CATSPERB: variants seen among roughly 807,000 people sequenced by gnomAD.
The protein encoded by CATSPERB is cation channel sperm-associated auxiliary subunit beta.
Under a neutral mutation model 128.3 loss-of-function variants are expected in CATSPERB, and 93 were observed. The observed-to-expected ratio is 0.72, with a 90% CI of 0.61 to 0.86. The LOEUF (loss-of-function observed/expected upper bound fraction) is 0.86, where lower values mean the gene tolerates loss of function less well. CATSPERB is among the 40% of genes least tolerant of loss of function. CATSPERB has a pLI of 0.00. For synonymous variants in CATSPERB, 381 were observed against 448.8 expected, an observed-to-expected ratio of 0.85 and a Z score of 1.91; for missense variants, 1,153 against 1,329.5, an observed-to-expected ratio of 0.87 and a Z score of 2.06.
chr14:91,654,631 T>C (rs997426070), intron 15 of CATSPERB, among the ~76,000 whole-genome samples: 2 of 152,184 alleles, frequency 1.3e-5, no homozygotes, highest in Non-Finnish European at 2.9e-5. Context: ...TCAACTTCCT[T>C]GGCTTCCAGA....
chr14:91,659,308 T>C (rs1894836461), intron 15 of CATSPERB, among the ~76,000 whole-genome samples: 1 of 152,214 alleles, frequency 6.6e-6, no homozygotes, highest in African/African-American at 2.4e-5. Flanking sequence ...ATTTGTTAGT[T>C]AAGAAATAAA....
At chr14:91,719,148 A>G (rs1213411379) in intron 5 of CATSPERB, among the ~76,000 whole-genome samples, 1 of 152,212 alleles carries the variant, frequency 6.6e-6, no homozygotes, top group Non-Finnish European at 1.5e-5. Flanking sequence ...AAGTTCTAAG[A>G]AATGAATTTA....
At chr14:91,596,482 C>T (rs540633836) in intron 22 of CATSPERB, among the ~76,000 whole-genome samples, 2 of 152,184 alleles carry the variant, frequency 1.3e-5, no homozygotes, top group East Asian at 1.9e-4. Flanking sequence ...GGATTACAGG[C>T]GTGAACCACC....
chr14:91,723,511 A>G (rs148591031), intron 3 of CATSPERB, among the ~76,000 whole-genome samples: 106 of 152,318 alleles, frequency 7.0e-4, no homozygotes, highest in Non-Finnish European at 1.1e-3. Context: ...GGAAGCAACT[A>G]TATAAAGCAA....
intron 8 of CATSPERB, 68 bp from the exon 9 acceptor site, chr14:91,693,312 C>T: frequency 1.9e-6 from 3 of 1,541,804 alleles, no homozygotes; most frequent in Non-Finnish European, 2.7e-6. Context: ...GAAGCAAAGA[C>T]ATTTTATAGA....
chr14:91,690,630 A>C (rs1036409635), intron 10 of CATSPERB, among the ~76,000 whole-genome samples: 2 of 152,232 alleles, frequency 1.3e-5, no homozygotes, highest in Non-Finnish European at 2.9e-5. Context: ...ATTTTTGCCC[A>C]TCTGGCTCTC....
rs540304119 is a variant in CATSPERB, at chr14:91,693,278, T to G, written c.713-34A>C. 2.9e-5 allele frequency: 46 copies of G among 1,574,920 alleles called. No homozygotes were observed. In the East Asian group the frequency reaches 9.2e-4, roughly 31 times the overall value. ...AGAAATCATACCATGGATTAAAAAG[T>G]AAGAAAAAAGTGAGTTCCTTACTGA... On this transcript the variant is annotated intron_variant, in intron 8 of 26. Transcript: ENST00000256343.
intron 17 of CATSPERB, chr14:91,635,698 T>C (rs75475571): frequency 6.6e-6 from 1 of 152,094 alleles, no homozygotes; most frequent in African/African-American, 2.4e-5. Context: ...GCCTTAAAGG[T>C]AGCTTTAAGG....
Position 91,591,898 on chromosome 14 carries a change from C to T in CATSPERB, c.2814G>A (p.Arg938=). ...FSHAVAFSDC[R]EKVPRFKFPI... ...TAATTAGAAATGATCTTACTTTTTCCCTGCAATCCGAGAAAGCAACAGCAT... is the reference window on the plus strand; with the variant it reads ...TAATTAGAAATGATCTTACTTTTTCTCTGCAATCCGAGAAAGCAACAGCAT... The change falls in exon 23 of 27, where the codon AGG becomes AGA. Residue 938 remains arginine, a synonymous_variant. Transcript: ENST00000256343. 1 of 1,608,242 alleles carries T rather than the reference C, an allele frequency of 6.2e-7. No individual in the cohort carries two copies. The highest frequency in any genetic ancestry group is 1.1e-5 in the South Asian group (1 of 90,854).
In CATSPERB at chr14:91,627,629, G is replaced by A. The variant is rs556715857; in HGVS notation, c.1743-2622C>T. ...ATGGAGGGAACTAATGGAAGATAAG[G>A]GTTGTTTTGAGAAGGTTTCTTCTGT... On this transcript the variant is annotated intron_variant, in intron 17 of 26. Transcript: ENST00000256343. Among the ~76,000 whole-genome samples, 10 of 152,260 alleles carry A rather than the reference G, an allele frequency of 6.6e-5. 1 individual carries two copies. In the South Asian group the frequency reaches 2.1e-3, roughly 32 times the overall value.
rs533883478 is a variant in CATSPERB, at chr14:91,625,190, A to G, written c.1743-183T>C. The stretch of plus-strand genomic sequence containing the variant: ...TTATAACAATGGGATACAATTTTTA[A>G]CCTCTAAAATTAGCGAAGATCTTTA... On this transcript the variant is annotated intron_variant, in intron 17 of 26. Transcript: ENST00000256343. 4.6e-5 allele frequency among the ~76,000 whole-genome samples: 7 copies of G among 152,338 alleles called. No individual in the cohort carries two copies. In the East Asian group the frequency reaches 1.3e-3, roughly 29 times the overall value.
intron 22 of CATSPERB, chr14:91,605,098 G>T: frequency 1.6e-6 from 2 of 1,251,862 alleles, no homozygotes; most frequent in South Asian, 1.2e-5. Flanking sequence ...TGGGTTGTTT[G>T]CCTTTGGGAG....
chr14:91,724,394 T>C (rs1025153669), intron 3 of CATSPERB, among the ~76,000 whole-genome samples: 3 of 152,098 alleles, frequency 2.0e-5, no homozygotes, highest in African/African-American at 7.2e-5. Context: ...CACTTCTCAA[T>C]AGTTGTATAT....
intron 18 of CATSPERB, among the ~76,000 whole-genome samples, chr14:91,622,915 A>G (rs983263095): frequency 1.1e-5 from 1 of 93,732 alleles, no homozygotes; most frequent in African/African-American, 4.2e-5. Flanking sequence ...TTTTTTTGAT[A>G]TGGAGTTTCG....
chr14:91,615,987 C>T (rs1217022578), intron 20 of CATSPERB, among the ~76,000 whole-genome samples: 1 of 150,932 alleles, frequency 6.6e-6, no homozygotes, highest in Non-Finnish European at 1.5e-5. Flanking sequence ...TCAAGCGATT[C>T]TCCTGCCTCA....
Position 91,617,628 on chromosome 14 carries a change from G to T in CATSPERB, c.2369C>A (p.Thr790Lys). ...TAAAACTTTGCTAGCTGCAGAAATT[G>T]TTATTACATAACTGTCAGTATCATC... Reference protein sequence around the residue: ...TFDDTDSYVITISAASKVLHQ... With the variant: ...TFDDTDSYVIKISAASKVLHQ... Residue 790 changes from threonine to lysine, a missense_variant, in exon 20 of 27, where the codon ACA (threonine) becomes AAA (lysine). Coordinates refer to ENST00000256343, the MANE Select transcript of CATSPERB (RefSeq NM_024764.4). The T allele has an allele frequency of 1.3e-6, 2 of 1,586,514 alleles. No homozygotes were observed. Among genetic ancestry groups the T allele is most frequent in the Non-Finnish European group, 1.7e-6 (2 of 1,172,254 alleles).
intron 17 of CATSPERB, among the ~76,000 whole-genome samples, chr14:91,628,179 A>G (rs1226817114): frequency 1.3e-5 from 2 of 151,966 alleles, no homozygotes; most frequent in Non-Finnish European, 2.9e-5. Flanking sequence ...TGGAGGTCTC[A>G]CTATTTTGCC....
At chr14:91,716,622 CAATT>C (rs1423647180) in intron 5 of CATSPERB, among the ~76,000 whole-genome samples, 1 of 151,896 alleles carries the variant, frequency 6.6e-6, no homozygotes, top group South Asian at 2.1e-4. Flanking sequence ...AAAAACCACA[CAATT>C]AAATGCCACT....
rs773702008 is a variant in CATSPERB at position 91,610,638 on chromosome 14, T to C, written c.2440A>G (p.Thr814Ala). ...ACCATTGTCGTAACAAAGCACTCAG[T>C]AGAGGCTGACCACATAATAAATGCC... Reference protein sequence around the residue: ...SLAFIMWSASTECFVTTMVPT... With the variant: ...SLAFIMWSASAECFVTTMVPT... The change falls in exon 21 of 27, where the codon ACT (threonine) becomes GCT (alanine). Residue 814 changes from threonine (T) to alanine (A), a missense_variant. Transcript: ENST00000256343. 4 of 1,614,028 alleles carry C rather than the reference T, an allele frequency of 2.5e-6. No homozygotes were observed. Among genetic ancestry groups the C allele is most frequent in the East Asian group, 2.2e-5 (1 of 44,894 alleles).
Sources: gnomAD v4.1 joint callset for allele counts (sites outside exome capture counted in the v4.1 genomes callset) on GRCh38, gnomAD v4.1.1 for gene constraint, MANE v1.5 for transcripts, NCBI Gene and HGNC (gene_info 2026-07-23, HGNC 2026-07-21) for gene names.